FBXO11: variants seen among roughly 807,000 people sequenced by gnomAD.
FBXO11 encodes F-box only protein 11.
Under a neutral mutation model 117.0 loss-of-function variants are expected in FBXO11, and 13 were observed. That is an observed-to-expected ratio of 0.11 (90% CI 0.07 to 0.18). The LOEUF (loss-of-function observed/expected upper bound fraction) is 0.18. FBXO11 is among the 10% of genes least tolerant of loss of function. The pLI, the probability that FBXO11 is intolerant of heterozygous loss-of-function variation, is 1.00. For synonymous variants in FBXO11, 490 were observed against 380.5 expected, an observed-to-expected ratio of 1.29 and a Z score of -3.35; for missense variants, 767 against 1,164.4, an observed-to-expected ratio of 0.66 and a Z score of 4.97.
chr2:47,825,559 T>TTTC (rs1384707683), intron 11 of FBXO11, among the ~76,000 whole-genome samples: 15 of 151,244 alleles, frequency 9.9e-5, no homozygotes, highest in South Asian at 2.1e-4. Flanking sequence ...TGGTGGATTT[T>TTTC]TTCTTCTTCT....
At position 47,905,702 on chromosome 2, in the gene FBXO11, C is replaced by G; in HGVS notation, c.19G>C (p.Ala7Pro). Reference protein sequence around the residue: MNSVRAANRRPRRVSRP... With the variant: MNSVRAPNRRPRRVSRP... ...GACACTCGCCTGGGTCTCCGGTTGG[C>G]GGCTCGGACGGAGTTCATTTGCCGG... is the stretch of plus-strand genomic sequence containing the variant. The change falls in exon 1 of 23, where the codon GCC (alanine) becomes CCC (proline). Residue 7 changes from alanine to proline, a missense_variant. Physicochemically the swap from Ala to Pro is conservative, Grantham distance 27. Transcript: ENST00000403359. The G allele has an allele frequency of 6.6e-6, 10 of 1,519,046 alleles. No individual in the cohort carries two copies. The highest frequency in any genetic ancestry group is 7.0e-6 in the Non-Finnish European group (8 of 1,135,642). 94.1% of individuals were successfully genotyped at this position (1,519,046 alleles called of 1,614,324 possible).
Position 47,813,289 on chromosome 2 carries a change from T to G in FBXO11, c.2172A>C (p.Arg724Ser). ...CATCTCTTCCATCATGGATTTTATT[T>G]CTTCTTAGTGTAGGATTACTATCTG... Reference protein sequence around the residue: ...IKTDSNPTLRRNKIHDGRDGG... With the variant: ...IKTDSNPTLRSNKIHDGRDGG... Residue 724 changes from arginine (R) to serine (S), a missense_variant, in exon 18 of 23, where the codon AGA becomes AGC. By Grantham distance (110) the Arg-to-Ser change is moderately radical (BLOSUM62 -1). This residue lies in a region of FBXO11 where 42 missense variants were observed against 216.8 expected (regional missense o/e 0.19). Coordinates refer to ENST00000403359, the MANE Select transcript of FBXO11 (RefSeq NM_001190274.2). 6.2e-7 allele frequency: 1 copy of G among 1,613,010 alleles called. No individual in the cohort carries two copies. Among genetic ancestry groups the G allele is most frequent in the Non-Finnish European group, 8.5e-7 (1 of 1,179,078 alleles).
intron 1 of FBXO11, among the ~76,000 whole-genome samples, chr2:47,896,216 C>T (rs1032111648): frequency 6.6e-6 from 1 of 152,048 alleles, no homozygotes. Flanking sequence ...GAAATAAACA[C>T]GTAATGTTAA....
chr2:47,849,290 G>C (rs1673663348), intron 1 of FBXO11, among the ~76,000 whole-genome samples: 1 of 152,146 alleles, frequency 6.6e-6, no homozygotes, highest in South Asian at 2.1e-4. Flanking sequence ...TTAAAAGCTT[G>C]ACTTGCTGTA....
chr2:47,900,595 T>C (rs28417756), intron 1 of FBXO11, among the ~76,000 whole-genome samples: 6,524 of 114,306 alleles, frequency 0.057, 654 homozygotes, highest in African/African-American at 0.15. Flanking sequence ...TATACGTATA[T>C]ACACACGTAT....
intron 1 of FBXO11, among the ~76,000 whole-genome samples, chr2:47,849,435 T>C (rs943825639): frequency 6.6e-6 from 1 of 152,198 alleles, no homozygotes; most frequent in East Asian, 1.9e-4. Context: ...CACAGGATCA[T>C]TATACTTAAA....
At chr2:47,866,874 G>A (rs1675239940) in intron 1 of FBXO11, among the ~76,000 whole-genome samples, 1 of 152,180 alleles carries the variant, frequency 6.6e-6, no homozygotes, top group Admixed American at 6.6e-5. Flanking sequence ...TCTCCATGAT[G>A]AGCCTTGATC....
intron 11 of FBXO11, among the ~76,000 whole-genome samples, chr2:47,831,601 T>C (rs1220533204): frequency 6.6e-6 from 1 of 151,950 alleles, no homozygotes; most frequent in Non-Finnish European, 1.5e-5. Flanking sequence ...CAACAAAAAA[T>C]TTTACCAATG....
At chr2:47,810,103 T>C (rs186137812) in intron 19 of FBXO11, 5 of 517,280 alleles carry the variant, frequency 9.7e-6, no homozygotes, top group East Asian at 9.4e-5. Flanking sequence ...TAATCACGAC[T>C]AAGCAATAAG....
At chr2:47,839,327 A>G in intron 3 of FBXO11, 92 bp downstream of exon 3, 2 of 1,136,204 alleles carry the variant, frequency 1.8e-6, no homozygotes, top group Non-Finnish European at 2.5e-6. Context: ...CCCAAAGGTA[A>G]TACTCGAATA....
intron 16 of FBXO11, 25 bp downstream of exon 16, chr2:47,818,754 G>C (rs376063633): frequency 6.5e-7 from 1 of 1,541,612 alleles, no homozygotes; most frequent in South Asian, 1.2e-5. Flanking sequence ...CCTCCCAAAA[G>C]ATAGCCAAAT....
intron 1 of FBXO11, among the ~76,000 whole-genome samples, chr2:47,875,338 T>A (rs1001101721): frequency 6.6e-6 from 1 of 152,202 alleles, no homozygotes; most frequent in African/African-American, 2.4e-5. Flanking sequence ...GAGTGCTATT[T>A]ATCTTCGCGT....
chr2:47,842,879 C>T (rs1673118169), intron 1 of FBXO11, among the ~76,000 whole-genome samples: 1 of 151,914 alleles, frequency 6.6e-6, no homozygotes, highest in Non-Finnish European at 1.5e-5. Context: ...CTCCTGGGCT[C>T]AAGCAGCCCT....
At chr2:47,826,868 C>A (rs778466622) in intron 11 of FBXO11, among the ~76,000 whole-genome samples, 1 of 151,858 alleles carries the variant, frequency 6.6e-6, no homozygotes, top group Admixed American at 6.6e-5. Context: ...CAAGTTCAAG[C>A]GATTCTCCTG....
Position 47,808,114 on chromosome 2 carries a change from GA to G in FBXO11, c.*3del. On this transcript the variant is annotated 3_prime_UTR_variant, in exon 23 of 23. Transcript: ENST00000403359. ...TGGCAGGACTTTTTCTTTAGGGAAG[GA>G]ATTCAGTTGTGCTGCAATGTATTAG... 1 of 1,600,186 alleles carries G rather than the reference GA, an allele frequency of 6.2e-7. No individual in the cohort carries two copies. The highest frequency in any genetic ancestry group is 8.5e-7 in the Non-Finnish European group (1 of 1,175,980).
chr2:47,815,542 A>G (rs994252036), intron 16 of FBXO11, among the ~76,000 whole-genome samples: 7 of 152,194 alleles, frequency 4.6e-5, no homozygotes, highest in African/African-American at 1.7e-4. Flanking sequence ...AGTAGTCCGC[A>G]TGCCAAGGTG....
chr2:47,898,839 T>C (rs1001782138), intron 1 of FBXO11, among the ~76,000 whole-genome samples: 2 of 152,208 alleles, frequency 1.3e-5, no homozygotes, highest in Non-Finnish European at 1.5e-5. Context: ...TTTTGGTATC[T>C]TTCCTTGTTT....
chr2:47,829,365 C>A lies in FBXO11; in HGVS notation c.1398+2984G>T, dbSNP rs149449657. On this transcript the variant is annotated intron_variant, in intron 11 of 22. Coordinates refer to ENST00000403359, the MANE Select transcript of FBXO11 (RefSeq NM_001190274.2). The stretch of plus-strand genomic sequence containing the variant: ...AAGCGATTCTCTTGCCTTAGCCTCT[C>A]GAGTAGCTGGGACTTGAGGCGTGCA... Among the ~76,000 whole-genome samples, 13 of 152,090 alleles carry A rather than the reference C, an allele frequency of 8.5e-5. 1 individual carries two copies. In the East Asian group the frequency reaches 2.5e-3, roughly 29 times the overall value.
Position 47,809,596 on chromosome 2 carries a change from A to T in FBXO11, c.2446+4T>A. On this transcript the variant is annotated splice_donor_region_variant and intron_variant, in intron 20 of 22. Transcript: ENST00000403359. ...ATTTATAGGTATAGCAGACTCCAAC[A>T]TACCTTTCATTGTCACATTAACACC... 6.2e-7 allele frequency: 1 copy of T among 1,604,262 alleles called. No individual in the cohort carries two copies. Among genetic ancestry groups the T allele is most frequent in the Non-Finnish European group, 8.5e-7 (1 of 1,171,888 alleles).
Sources: gnomAD v4.1 joint callset for allele counts (sites outside exome capture counted in the v4.1 genomes callset) on GRCh38, gnomAD v4.1.1 for gene constraint, gnomAD v4.1.1 regional missense constraint, MANE v1.5 for transcripts, NCBI Gene and HGNC (gene_info 2026-07-23, HGNC 2026-07-21) for gene names.